RASAL2: variants seen among roughly 807,000 people sequenced by gnomAD.
RASAL2 encodes the protein ras GTPase-activating protein nGAP.
RASAL2 carries 58 observed loss-of-function variants against 128.9 expected under a neutral mutation model. That is an observed-to-expected ratio of 0.45 (90% CI 0.36 to 0.56). The LOEUF is 0.56. Among genes scored for constraint, RASAL2 ranks in the 20% least tolerant of loss-of-function variants. The pLI, the probability that RASAL2 is intolerant of heterozygous loss-of-function variation, is 0.00. For synonymous variants in RASAL2, 561 were observed against 580.8 expected, an observed-to-expected ratio of 0.97 and a Z score of 0.49; for missense variants, 1,360 against 1,601.6, an observed-to-expected ratio of 0.85 and a Z score of 2.57.
chr1:178,112,961 A>G (rs2102250972), intron 1 of RASAL2, among the ~76,000 whole-genome samples: 1 of 152,338 alleles, frequency 6.6e-6, no homozygotes, highest in East Asian at 1.9e-4. Context: ...CCAATTTCAC[A>G]AAGATTTTCT....
At chr1:178,223,285 G>A (rs1282563324) in intron 1 of RASAL2, among the ~76,000 whole-genome samples, 1 of 152,178 alleles carries the variant, frequency 6.6e-6, no homozygotes, top group Non-Finnish European at 1.5e-5. Flanking sequence ...CGCCACAGCT[G>A]TGATGGAGAG....
chr1:178,243,988 C>T (rs1317652139), intron 1 of RASAL2, among the ~76,000 whole-genome samples: 1 of 152,176 alleles, frequency 6.6e-6, no homozygotes, highest in Non-Finnish European at 1.5e-5. Context: ...AATGGTATAA[C>T]TCTTCTATTC....
intron 3 of RASAL2, among the ~76,000 whole-genome samples, chr1:178,381,622 T>C (rs1031660418): frequency 1.3e-5 from 2 of 152,142 alleles, no homozygotes; most frequent in South Asian, 4.1e-4. Context: ...TCTATTAATA[T>C]TTGTTTGGGA....
intron 16 of RASAL2, among the ~76,000 whole-genome samples, chr1:178,466,386 C>T (rs937363958): frequency 2.6e-5 from 4 of 152,090 alleles, no homozygotes; most frequent in Non-Finnish European, 5.9e-5. Context: ...TAGAGGAGAA[C>T]TCGGTTTTAA....
chr1:178,432,457 C>G (rs558744394), intron 5 of RASAL2, among the ~76,000 whole-genome samples: 2 of 152,094 alleles, frequency 1.3e-5, no homozygotes, highest in African/African-American at 4.8e-5. Flanking sequence ...TGTCTTTTGT[C>G]AGTTTTGTAG....
chr1:178,113,908 TTAAG>T (rs1659433896), intron 1 of RASAL2, among the ~76,000 whole-genome samples: 1 of 152,186 alleles, frequency 6.6e-6, no homozygotes, highest in Non-Finnish European at 1.5e-5. Context: ...GGATTTACCT[TTAAG>T]TATTTCATAA....
chr1:178,296,484 C>T (rs979614140), intron 2 of RASAL2, among the ~76,000 whole-genome samples: 2 of 151,954 alleles, frequency 1.3e-5, no homozygotes, highest in Admixed American at 1.3e-4. Flanking sequence ...CTCAGCCTCC[C>T]GAGTAGCTGG....
chr1:178,267,959 T>C (rs1193048847), intron 1 of RASAL2, among the ~76,000 whole-genome samples: 1 of 151,668 alleles, frequency 6.6e-6, no homozygotes, highest in Non-Finnish European at 1.5e-5. Flanking sequence ...GATCTTCCTC[T>C]CTTTTTTTAC....
chr1:178,265,250 G>A (rs867269404), intron 1 of RASAL2, among the ~76,000 whole-genome samples: 2 of 152,064 alleles, frequency 1.3e-5, no homozygotes, highest in South Asian at 2.1e-4. Context: ...TTTTGTTGTT[G>A]TTGTTTTTGG....
intron 3 of RASAL2, among the ~76,000 whole-genome samples, chr1:178,387,516 C>T (rs1245716872): frequency 2.0e-5 from 3 of 151,968 alleles, no homozygotes; most frequent in African/African-American, 7.3e-5. Context: ...TAATGTTATC[C>T]TTCCCCCCTC....
intron 1 of RASAL2, among the ~76,000 whole-genome samples, chr1:178,143,421 G>A (rs1431690392): frequency 1.3e-5 from 2 of 151,580 alleles, no homozygotes; most frequent in Admixed American, 1.3e-4. Context: ...TTTTATTCAG[G>A]CCTTTGCTGC....
intron 1 of RASAL2, among the ~76,000 whole-genome samples, chr1:178,122,664 C>T (rs1375865327): frequency 6.6e-6 from 1 of 152,138 alleles, no homozygotes; most frequent in African/African-American, 2.4e-5. Flanking sequence ...TATCAAGGAG[C>T]TTGGATTTTC....
chr1:178,142,756 C>T (rs1311260746), intron 1 of RASAL2, among the ~76,000 whole-genome samples: 2 of 152,168 alleles, frequency 1.3e-5, no homozygotes, highest in Admixed American at 1.3e-4. Context: ...CATTTTCACT[C>T]TGTAAACCTC....
At chr1:178,420,880 A>C (rs1675101501) in intron 5 of RASAL2, among the ~76,000 whole-genome samples, 2 of 152,184 alleles carry the variant, frequency 1.3e-5, no homozygotes, top group Non-Finnish European at 2.9e-5. Flanking sequence ...CTGTAGAATC[A>C]AGTTACAGTG....
At chr1:178,235,956 G>A (rs1430272130) in intron 1 of RASAL2, among the ~76,000 whole-genome samples, 7 of 152,004 alleles carry the variant, frequency 4.6e-5, no homozygotes, top group African/African-American at 1.7e-4. Context: ...AATGAATAAA[G>A]TTTCTGAGGC....
chr1:178,244,040 C>T (rs1664648454), intron 1 of RASAL2, among the ~76,000 whole-genome samples: 1 of 152,136 alleles, frequency 6.6e-6, no homozygotes. Flanking sequence ...GAGCACTTTT[C>T]CAACGTCACT....
At chr1:178,462,658 A>G (rs185572861) in intron 14 of RASAL2, among the ~76,000 whole-genome samples, 8 of 152,228 alleles carry the variant, frequency 5.3e-5, no homozygotes, top group Non-Finnish European at 2.9e-5. Context: ...GTTAGGATTG[A>G]TCTATTTTGT....
At chr1:178,317,023 G>A (rs1169557626) in intron 3 of RASAL2, among the ~76,000 whole-genome samples, 1 of 115,354 alleles carries the variant, frequency 8.7e-6, no homozygotes, top group Non-Finnish European at 1.7e-5. Context: ...TTTTGTCAAA[G>A]GCTTTTTCTG....
chr1:178,395,015 A>G (rs1673127731), intron 4 of RASAL2, among the ~76,000 whole-genome samples: 1 of 152,162 alleles, frequency 6.6e-6, no homozygotes, highest in Admixed American at 6.5e-5. Flanking sequence ...AATCCTCTAT[A>G]AGATCCTATG....
Sources: gnomAD v4.1 joint callset for allele counts (sites outside exome capture counted in the v4.1 genomes callset) on GRCh38, gnomAD v4.1.1 for gene constraint, MANE v1.5 for transcripts, NCBI Gene and HGNC (gene_info 2026-07-23, HGNC 2026-07-21) for gene names.